The following MITF variants were observed in gnomAD, a reference collection of about 807,000 sequenced individuals.
MITF encodes the protein melanocyte inducing transcription factor, also known as microphthalmia-associated transcription factor.
Under a neutral mutation model 60.5 loss-of-function variants are expected in MITF, and 17 were observed. The ratio of observed to expected loss-of-function variants is 0.28; its 90% CI spans 0.19 to 0.42. The LOEUF (loss-of-function observed/expected upper bound fraction) is 0.42, where lower values mean the gene tolerates loss of function less well. Among genes scored for constraint, MITF ranks in the 10% least tolerant of loss-of-function variants. The pLI is 1.00. For synonymous variants in MITF, 260 were observed against 248.5 expected (o/e 1.05, Z -0.43); for missense variants, 622 against 683.5 (o/e 0.91, Z 1.00).
At chr3:69,851,770 G>A (rs922339743) in intron 1 of MITF, among the ~76,000 whole-genome samples, 4 of 151,996 alleles carry the variant, frequency 2.6e-5, no homozygotes, top group African/African-American at 9.7e-5. Context: ...AAACTCGAAC[G>A]GAAGGTGAAT....
intron 1 of MITF, among the ~76,000 whole-genome samples, chr3:69,744,616 AGC>A (rs963670171): frequency 6.6e-6 from 1 of 152,240 alleles, no homozygotes; most frequent in Admixed American, 6.5e-5. Flanking sequence ...AGTAAATGTT[AGC>A]AGATGTTCTT....
intron 1 of MITF, among the ~76,000 whole-genome samples, chr3:69,817,198 G>C (rs1241625681): frequency 6.6e-6 from 1 of 152,092 alleles, no homozygotes; most frequent in Non-Finnish European, 1.5e-5. Context: ...GCAAACATAG[G>C]TGTGTTTATT....
At chr3:69,882,901 C>T (rs575737312) in intron 2 of MITF, among the ~76,000 whole-genome samples, 9 of 152,250 alleles carry the variant, frequency 5.9e-5, no homozygotes, top group East Asian at 5.8e-4. Context: ...TGGGCTTTGA[C>T]GGTTGAAAGC....
intron 1 of MITF, chr3:69,866,226 T>C: frequency 1.2e-6 from 2 of 1,607,446 alleles, no homozygotes; most frequent in South Asian, 2.2e-5. Context: ...ACACAGCCAG[T>C]GCCAGAACTA....
intron 1 of MITF, among the ~76,000 whole-genome samples, chr3:69,748,509 A>T (rs1703814742): frequency 6.6e-6 from 1 of 152,148 alleles, no homozygotes. Context: ...CCAAAGTGCA[A>T]GGATTACAGG....
intron 2 of MITF, among the ~76,000 whole-genome samples, chr3:69,907,391 A>G (rs2065123583): frequency 6.6e-6 from 1 of 152,200 alleles, no homozygotes; most frequent in Non-Finnish European, 1.5e-5. Flanking sequence ...TCTATTGGAT[A>G]TCTATGTACC....
chr3:69,853,144 G>T (rs1435368208), intron 1 of MITF, among the ~76,000 whole-genome samples: 1 of 152,132 alleles, frequency 6.6e-6, no homozygotes, highest in Non-Finnish European at 1.5e-5. Flanking sequence ...AGTAGTAGGT[G>T]TATAATATTT....
chr3:69,917,037 A>G (rs753778532), intron 2 of MITF, among the ~76,000 whole-genome samples: 19 of 152,208 alleles, frequency 1.2e-4, no homozygotes, highest in Non-Finnish European at 2.5e-4. Flanking sequence ...CTAAGTGTCC[A>G]TATTATATGT....
intron 2 of MITF, among the ~76,000 whole-genome samples, chr3:69,932,704 CT>C (rs2065750376): frequency 6.6e-6 from 1 of 152,034 alleles, no homozygotes; most frequent in Non-Finnish European, 1.5e-5. Flanking sequence ...CTTTTGTTTT[CT>C]TTTGTGGTAA....
At chr3:69,813,545 A>AT (rs1385951138) in intron 1 of MITF, among the ~76,000 whole-genome samples, 1 of 152,174 alleles carries the variant, frequency 6.6e-6, no homozygotes, top group African/African-American at 2.4e-5. Flanking sequence ...GAAAAGGAAG[A>AT]TCACTGCTAC....
At chr3:69,880,305 T>C (rs1470909177) in intron 2 of MITF, among the ~76,000 whole-genome samples, 1 of 152,178 alleles carries the variant, frequency 6.6e-6, no homozygotes, top group African/African-American at 2.4e-5. Flanking sequence ...AAGTTTACTA[T>C]TAAAGTAAAT....
At position 69,900,943 on chromosome 3, in the gene MITF, T is replaced by G. The variant is rs146142525; in HGVS notation, c.354+21560T>G. On this transcript the variant is annotated intron_variant, in intron 2 of 9. Coordinates refer to ENST00000352241, the MANE Select transcript of MITF (RefSeq NM_001354604.2). ...GAGGAAAAATAGGTTTAACACACCTTGAGCACCAGAAGCTGTCCTATGTTC... is the reference window on the plus strand; with the variant it reads ...GAGGAAAAATAGGTTTAACACACCTGGAGCACCAGAAGCTGTCCTATGTTC... 3.2e-4 allele frequency among the ~76,000 whole-genome samples: 48 copies of G among 152,236 alleles called. 1 individual carries two copies. The East Asian group carries it at 7.9e-3, about 25-fold the overall frequency.
At chr3:69,749,411 T>G (rs1451658156) in intron 1 of MITF, among the ~76,000 whole-genome samples, 2 of 152,240 alleles carry the variant, frequency 1.3e-5, no homozygotes, top group Non-Finnish European at 2.9e-5. Context: ...GCTGTATTGG[T>G]GAGCCTGCAT....
chr3:69,874,393 C>T (rs1028013825), intron 1 of MITF, among the ~76,000 whole-genome samples: 1 of 152,186 alleles, frequency 6.6e-6, no homozygotes, highest in Admixed American at 6.5e-5. Context: ...AAAGAAGAAG[C>T]ATGCTCATGG....
At chr3:69,943,211 C>T (rs1021049261) in intron 5 of MITF, among the ~76,000 whole-genome samples, 3 of 151,434 alleles carry the variant, frequency 2.0e-5, no homozygotes, top group African/African-American at 7.3e-5. Context: ...CTGACCTTCT[C>T]TTGCATCTCG....
chr3:69,888,703 G>A (rs747112363), intron 2 of MITF, among the ~76,000 whole-genome samples: 28 of 152,024 alleles, frequency 1.8e-4, no homozygotes, highest in Non-Finnish European at 3.7e-4. Flanking sequence ...CTGGTACTTG[G>A]CTCTTAAACA....
intron 2 of MITF, among the ~76,000 whole-genome samples, chr3:69,921,078 C>T (rs1365540853): frequency 6.6e-6 from 1 of 152,202 alleles, no homozygotes; most frequent in East Asian, 1.9e-4. Context: ...CCATGTTGGC[C>T]AGACACTGGT....
At chr3:69,919,146 C>G (rs1319197004) in intron 2 of MITF, among the ~76,000 whole-genome samples, 3 of 150,960 alleles carry the variant, frequency 2.0e-5, no homozygotes, top group Non-Finnish European at 4.4e-5. Context: ...ATTCAGCCAC[C>G]ACAGTGCATT....
chr3:69,824,156 G>C (rs1346418677), intron 1 of MITF, among the ~76,000 whole-genome samples: 2 of 152,132 alleles, frequency 1.3e-5, no homozygotes, highest in African/African-American at 4.8e-5. Context: ...TGTGAACTCA[G>C]AATATAGGGA....
Sources: gnomAD v4.1 joint callset for allele counts (sites outside exome capture counted in the v4.1 genomes callset) on GRCh38, gnomAD v4.1.1 for gene constraint, MANE v1.5 for transcripts, NCBI Gene and HGNC (gene_info 2026-07-23, HGNC 2026-07-21) for gene names.